The following CARS1 variants were observed in gnomAD, a reference collection of about 807,000 sequenced individuals.
CARS1 encodes cysteinyl-tRNA synthetase 1.
CARS1 carries 48 observed loss-of-function variants against 106.2 expected under a neutral mutation model. The observed-to-expected ratio is 0.45, with a 90% CI of 0.36 to 0.57. The LOEUF is 0.57. Among genes scored for constraint, CARS1 ranks in the 20% least tolerant of loss-of-function variants. The probability of loss-of-function intolerance (pLI) is 0.00; values close to 1 mark genes in which losing one functional copy is unlikely to be tolerated. For missense variants in CARS1, 968 were observed against 1,057.2 expected, an observed-to-expected ratio of 0.92 and a Z score of 1.17; for synonymous variants, 409 against 403.4, an observed-to-expected ratio of 1.01 and a Z score of -0.17.
Position 3,017,578 on chromosome 11 carries a change from G to T in CARS1, c.1727+279C>A. 1 of 557,256 alleles carries T rather than the reference G, an allele frequency of 1.8e-6. No individual in the cohort carries two copies. 34.5% of individuals were successfully genotyped at this position (557,256 alleles called of 1,614,324 possible). On this transcript the variant is annotated intron_variant, in intron 15 of 22. Transcript: ENST00000380525. The surrounding 1 kb of genome is among the most constrained non-coding windows in gnomAD (Gnocchi z 4.9). ...GAATCGCTCGAACCCGGGAGGTGGA[G>T]GTTGTGGTGAGCCGAGATCACGCCA...
intron 14 of CARS1, 53 bp downstream of exon 14, chr11:3,018,355 A>C: frequency 8.3e-7 from 1 of 1,197,656 alleles, no homozygotes; most frequent in Non-Finnish European, 1.2e-6. Flanking sequence ...CAAGGTGCCC[A>C]CTGTGCAGGG....
intron 2 of CARS1, 153 bp from the exon 3 acceptor site, chr11:3,042,409 G>A (rs1024920402): frequency 2.9e-5 from 17 of 590,826 alleles, no homozygotes; most frequent in Non-Finnish European, 4.2e-5. Context: ...TCAACATTAC[G>A]CAGGTCAAAG....
At position 3,043,422 on chromosome 11, in the gene CARS1, G is replaced by A. The variant is rs541742000; in HGVS notation, c.275-1166C>T. Among the ~76,000 whole-genome samples the A allele has an allele frequency of 4.3e-4, 65 of 151,888 alleles. No individual in the cohort carries two copies. Among genetic ancestry groups the A allele is most frequent in the African/African-American group, 1.4e-3 (58 of 41,388 alleles). ...CAGATCCCCACTTTTCTCCACAGTC[G>A]TCGCCCACAGGTCCAGGTTCTGCGT... On this transcript the variant is annotated intron_variant, in intron 2 of 22. Transcript: ENST00000380525. This position sits in a 1 kb window ranked among gnomAD's most constrained non-coding sequence, Gnocchi z 4.0.
At position 3,001,064 on chromosome 11, in the gene CARS1, G is replaced by A; in HGVS notation, c.*50C>T. ...GCGCTGGGACATTGTCACTGAGGCA[G>A]ACAGCAGCCACTAGTCCACAATGGT... On this transcript the variant is annotated 3_prime_UTR_variant, in exon 23 of 23. Transcript: ENST00000380525. 2 of 1,602,358 alleles carry A rather than the reference G, an allele frequency of 1.2e-6. No individual in the cohort carries two copies. Among genetic ancestry groups the A allele is most frequent in the African/African-American group, 1.3e-5 (1 of 74,842 alleles).
At chr11:3,007,131 TG>T (rs1353460106) in intron 18 of CARS1, 172 bp from the exon 19 acceptor site, 2 of 612,366 alleles carry the variant, frequency 3.3e-6, no homozygotes, top group Non-Finnish European at 5.8e-6. Flanking sequence ...CTCCAGTGCT[TG>T]GGAGGGAGGG....
chr11:3,027,732 C>A, intron 9 of CARS1: 2 of 423,892 alleles, frequency 4.7e-6, no homozygotes, highest in South Asian at 1.7e-5. Context: ...TCCTGTTATG[C>A]CCGGACACGG....
In CARS1 at chr11:3,020,298, C is replaced by G; in HGVS notation, c.1188G>C (p.Glu396Asp). 1 of 1,613,922 alleles carries G rather than the reference C, an allele frequency of 6.2e-7. No individual in the cohort carries two copies. Among genetic ancestry groups the G allele is most frequent in the Admixed American group, 1.7e-5 (1 of 60,020 alleles). Residue 396 changes from glutamate to aspartate, a missense_variant, in exon 11 of 23, where the codon GAG becomes GAC. By Grantham distance (45) the Glu-to-Asp change is conservative. Coordinates refer to ENST00000380525, the MANE Select transcript of CARS1 (RefSeq NM_001014437.3). This position sits in a 1 kb window ranked among gnomAD's most constrained non-coding sequence, Gnocchi z 4.6. The stretch of plus-strand genomic sequence containing the variant: ...AGGCAAAGTCGTTGGGAGAGCGCTT[C>G]TCACTCAGGCGGTCTGCAGAGATGC... ...DLSISADRLS[E>D]KRSPNDFALW...
chr11:3,042,318 CTT>C, intron 2 of CARS1, 62 bp from the exon 3 acceptor site: 4 of 1,220,932 alleles, frequency 3.3e-6, no homozygotes, highest in Non-Finnish European at 4.7e-6. Flanking sequence ...CAAGTCGCCT[CTT>C]CACCTGGAGA....
rs559685492 is a variant in CARS1, at chr11:3,047,442, C to T, written c.274+311G>A. Among the ~76,000 whole-genome samples, 10 of 152,314 alleles carry T rather than the reference C, an allele frequency of 6.6e-5. No individual in the cohort carries two copies. In the East Asian group the frequency reaches 1.7e-3, roughly 27 times the overall value. On this transcript the variant is annotated intron_variant, in intron 2 of 22. Transcript: ENST00000380525. ...AGCTAAAAATCACAAGGCTAGGGCC[C>T]GTGGCCTGGGCATGCTACGTGGAAC...
chr11:3,019,188 C>A lies in CARS1; in HGVS notation c.1346G>T (p.Gly449Val). 6.5e-7 allele frequency: 1 copy of A among 1,529,618 alleles called. No individual in the cohort carries two copies. Among genetic ancestry groups the A allele is most frequent in the South Asian group, 1.3e-5 (1 of 77,564 alleles). 94.8% of individuals were successfully genotyped at this position (1,529,618 alleles called of 1,614,324 possible). Residue 449 changes from glycine (G) to valine (V), a missense_variant, in exon 12 of 23, where the codon GGG becomes GTG. Transcript: ENST00000380525. The surrounding 1 kb of genome is among the most constrained non-coding windows in gnomAD (Gnocchi z 6.2). ...ATGGTGGGGGAACCGGAGGTCGAACCCACCTCCGTGAATGTCCATCGAAGC... is the reference window on the plus strand; with the variant it reads ...ATGGTGGGGGAACCGGAGGTCGAACACACCTCCGTGAATGTCCATCGAAGC... Reference protein sequence around the residue: ...LGASMDIHGGGFDLRFPHHDN... With the variant: ...LGASMDIHGGVFDLRFPHHDN...
At position 3,041,211 on chromosome 11, in the gene CARS1, G is replaced by A; in HGVS notation, c.367-227C>T. On this transcript the variant is annotated intron_variant, in intron 3 of 22. Transcript: ENST00000380525. This position sits in a 1 kb window ranked among gnomAD's most constrained non-coding sequence, Gnocchi z 4.9. ...GGGTGGGTGGGGCCTCTTCCTCCCT[G>A]GGGTTCTACTCATCTATGGAGGGAG... is the stretch of plus-strand genomic sequence containing the variant. The A allele has an allele frequency of 1.8e-6, 1 of 545,818 alleles. No individual in the cohort carries two copies. The highest frequency in any genetic ancestry group is 3.2e-6 in the Non-Finnish European group (1 of 309,378). 33.8% of individuals were successfully genotyped at this position (545,818 alleles called of 1,614,324 possible). A position where few individuals can be genotyped will look rare whatever the true frequency, so the allele number is the denominator to read the frequency against.
chr11:3,018,258 T>TTATA, intron 14 of CARS1, 150 bp downstream of exon 14: 1 of 634,960 alleles, frequency 1.6e-6, no homozygotes, highest in South Asian at 1.9e-5. Flanking sequence ...CCCGAGCCTG[T>TTATA]TATACCCACT....
rs1204172285 is a variant in CARS1 at position 3,019,684 on chromosome 11, G to A, written c.1267-417C>T. ...AGATCGCGCCACTGCACTCCAGCCT[G>A]GTGACAGAGTGACACTCTGTCTCAA... On this transcript the variant is annotated intron_variant, in intron 11 of 22. Coordinates refer to ENST00000380525, the MANE Select transcript of CARS1 (RefSeq NM_001014437.3). This position sits in a 1 kb window ranked among gnomAD's most constrained non-coding sequence, Gnocchi z 6.2. Among the ~76,000 whole-genome samples, 2 of 151,548 alleles carry A rather than the reference G, an allele frequency of 1.3e-5. No individual in the cohort carries two copies. The highest frequency in any genetic ancestry group is 2.9e-5 in the Non-Finnish European group (2 of 67,884).
At position 3,039,688 on chromosome 11, in the gene CARS1, TA is replaced by T. The variant is rs1245924706; in HGVS notation, c.552+146del. On this transcript the variant is annotated intron_variant, in intron 5 of 22. Transcript: ENST00000380525. The surrounding 1 kb of genome is among the most constrained non-coding windows in gnomAD (Gnocchi z 5.6). ...ATCATATCAGTAGCAGAAGTGGTAA[TA>T]TTAACTCACTGAGGGGATTAAAATG... The T allele has an allele frequency of 2.6e-5, 15 of 566,052 alleles. No homozygotes were observed. Among genetic ancestry groups the T allele is most frequent in the African/African-American group, 2.5e-4 (13 of 51,612 alleles). The allele number at this position is 566,052 out of a possible 1,614,324, so 35.1% of individuals were successfully genotyped here. A position where few individuals can be genotyped will look rare whatever the true frequency, so the allele number is the denominator to read the frequency against.
At chr11:3,002,334 C>T (rs1849467157) in intron 21 of CARS1, 2 of 880,598 alleles carry the variant, frequency 2.3e-6, no homozygotes, top group Non-Finnish European at 3.5e-6. Context: ...CCACATGGCA[C>T]AGCCTTCCCC....
At chr11:3,032,709 G>A (rs575173161) in intron 7 of CARS1, among the ~76,000 whole-genome samples, 19 of 152,058 alleles carry the variant, frequency 1.2e-4, no homozygotes, top group Middle Eastern at 3.4e-3. Flanking sequence ...GCAAAACTAC[G>A]GAGACAGTAG....
chr11:3,012,053 G>C lies in CARS1; in HGVS notation c.2068+142C>G, dbSNP rs1164921105. Reference sequence around the variant, plus strand: ...CTGGTGGGTCCAGGCCCGGGATGCCGTTCAACACCCTGTGGTGCACGGGGC... The same window carrying C: ...CTGGTGGGTCCAGGCCCGGGATGCCCTTCAACACCCTGTGGTGCACGGGGC... On this transcript the variant is annotated intron_variant, in intron 18 of 22. Transcript: ENST00000380525. 6.7e-6 allele frequency: 5 copies of C among 744,016 alleles called. No homozygotes were observed. In the African/African-American group the frequency reaches 8.6e-5, roughly 13 times the overall value. The allele number at this position is 744,016 out of a possible 1,614,324, so 46.1% of individuals were successfully genotyped here.
Position 3,029,637 on chromosome 11 carries a change from A to C in CARS1, c.802-194T>G. ...CAGGGACAAATACAAGACTCTACAA[A>C]TGGGCAGGTCTCACATGAACTCAGA... On this transcript the variant is annotated intron_variant, in intron 7 of 22. Coordinates refer to ENST00000380525, the MANE Select transcript of CARS1 (RefSeq NM_001014437.3). This position sits in a 1 kb window ranked among gnomAD's most constrained non-coding sequence, Gnocchi z 5.9. The C allele has an allele frequency of 1.7e-6, 1 of 584,516 alleles. No individual in the cohort carries two copies. Among genetic ancestry groups the C allele is most frequent in the Non-Finnish European group, 3.0e-6 (1 of 335,260 alleles). The allele number at this position is 584,516 out of a possible 1,614,324, so 36.2% of individuals were successfully genotyped here. A position where few individuals can be genotyped will look rare whatever the true frequency, so the allele number is the denominator to read the frequency against.
chr11:3,012,156 G>C (rs1427489729), intron 18 of CARS1, 39 bp downstream of exon 18: 1 of 1,558,754 alleles, frequency 6.4e-7, no homozygotes, highest in Non-Finnish European at 8.9e-7. Context: ...CCCAGTGAGG[G>C]GAGTGGCTCC....
Sources: allele counts gnomAD v4.1 joint callset (sites outside exome capture counted in the v4.1 genomes callset), GRCh38; gene constraint gnomAD v4.1.1; non-coding constraint Gnocchi (gnomAD v3.1); transcripts MANE v1.5; gene names NCBI Gene and HGNC (gene_info 2026-07-23, HGNC 2026-07-21).